EYS: variants seen among roughly 807,000 people sequenced by gnomAD.
The protein encoded by EYS is EGF-like photoreceptor maintenance factor, also known as protein eyes shut homolog.
In EYS, 250 loss-of-function variants were observed where a neutral mutation model predicts 282.1. The ratio of observed to expected loss-of-function variants is 0.89; its 90% CI spans 0.80 to 0.98. EYS has a LOEUF of 0.98. EYS is among the 50% of genes least tolerant of loss of function. The probability of loss-of-function intolerance (pLI) is 0.00; values close to 1 mark genes in which losing one functional copy is unlikely to be tolerated. For synonymous variants in EYS, 1,355 were observed against 1,282.9 expected (o/e 1.06, Z -1.20); for missense variants, 4,016 against 3,709.0 (o/e 1.08, Z -2.15).
chr6:65,425,796 A>G, intron 5 of EYS, among the ~76,000 whole-genome samples: 1 of 152,152 alleles, frequency 6.6e-6, no homozygotes, highest in East Asian at 1.9e-4. Context: ...CCTGGATTTA[A>G]CTGGTCATCT....
At chr6:64,566,429 TATC>T (rs1294146314) in intron 26 of EYS, among the ~76,000 whole-genome samples, 1 of 152,150 alleles carries the variant, frequency 6.6e-6, no homozygotes, top group African/African-American at 2.4e-5. Flanking sequence ...TCATTAAAAT[TATC>T]ATCAGTATCA....
intron 8 of EYS, among the ~76,000 whole-genome samples, chr6:65,364,171 G>A (rs1764820994): frequency 6.7e-6 from 1 of 149,170 alleles, no homozygotes; most frequent in South Asian, 2.1e-4. Flanking sequence ...ATTTGATTTT[G>A]TCTTTGTGAA....
chr6:64,803,370 G>GGT (rs887035640), intron 22 of EYS, among the ~76,000 whole-genome samples: 18 of 151,230 alleles, frequency 1.2e-4, no homozygotes, highest in Admixed American at 1.1e-3. Context: ...GGGGACTGAA[G>GGT]GTGTGTGTGT....
chr6:65,676,376 A>G (rs910698317), intron 1 of EYS, among the ~76,000 whole-genome samples: 5 of 151,838 alleles, frequency 3.3e-5, no homozygotes, highest in African/African-American at 1.2e-4. Context: ...TTATAAATTG[A>G]GACATTACAA....
At chr6:64,740,170 C>T (rs1994985) in intron 22 of EYS, among the ~76,000 whole-genome samples, 121,159 of 152,004 alleles carry the variant, frequency 0.8, 49,013 homozygotes, top group Non-Finnish European at 0.87. Flanking sequence ...TCAGAACCCC[C>T]AGCACAATCT....
chr6:64,684,303 G>A (rs1472865718), intron 22 of EYS, among the ~76,000 whole-genome samples: 1 of 151,950 alleles, frequency 6.6e-6, no homozygotes, highest in African/African-American at 2.4e-5. Context: ...TCAGAAATAT[G>A]TTATCCATCA....
At position 65,161,172 on chromosome 6, in the gene EYS, A is replaced by G. The variant is rs1370170524; in HGVS notation, c.2024-103445T>C. Among the ~76,000 whole-genome samples, 3 of 151,168 alleles carry G rather than the reference A, an allele frequency of 2.0e-5. No individual in the cohort carries two copies. In the Middle Eastern group the frequency reaches 0.01, roughly 514 times the overall value. On this transcript the variant is annotated intron_variant, in intron 12 of 42. Coordinates refer to ENST00000503581, the MANE Select transcript of EYS (RefSeq NM_001142800.2). ...CTGCTTAACTTTCTGGTCACTTCCTATGATTCCCCCAGTATACTTGTTAAT... is the reference window on the plus strand; with the variant it reads ...CTGCTTAACTTTCTGGTCACTTCCTGTGATTCCCCCAGTATACTTGTTAAT...
At chr6:65,585,113 T>C (rs2088205247) in intron 2 of EYS, among the ~76,000 whole-genome samples, 1 of 151,886 alleles carries the variant, frequency 6.6e-6, no homozygotes, top group Non-Finnish European at 1.5e-5. Context: ...GAAAATACTT[T>C]CTAATTTATT....
intron 2 of EYS, among the ~76,000 whole-genome samples, chr6:65,507,343 A>AT (rs1464565758): frequency 6.6e-6 from 1 of 151,676 alleles, no homozygotes; most frequent in Non-Finnish European, 1.5e-5. Flanking sequence ...TGGCTTTAAG[A>AT]TTTTTCCTTT....
At chr6:64,063,327 CGATCTTCTCAATCTAACCT>C (rs1352216948) in intron 33 of EYS, among the ~76,000 whole-genome samples, 1 of 152,158 alleles carries the variant, frequency 6.6e-6, no homozygotes, top group African/African-American at 2.4e-5. Context: ...CTTAAACTCA[CGATCTTCTCAATCTAACCT>C]GCTCTTCTTG....
At chr6:64,120,073 C>CGTG (rs1328757187) in intron 31 of EYS, among the ~76,000 whole-genome samples, 11 of 151,654 alleles carry the variant, frequency 7.3e-5, no homozygotes, top group African/African-American at 2.4e-4. Flanking sequence ...TTTGGCCAGG[C>CGTG]GTGGTGGCTT....
In EYS at chr6:65,278,328, A is replaced by ATATATATAGATTCTATATATTC. The variant is rs747084151; in HGVS notation, c.2023+17534_2023+17535insGAATATATAGAATCTATATATA. 2.6e-3 allele frequency among the ~76,000 whole-genome samples: 350 copies of ATATATATAGATTCTATATATTC among 133,088 alleles called. 2 individuals are homozygous for ATATATATAGATTCTATATATTC. Among genetic ancestry groups the ATATATATAGATTCTATATATTC allele is most frequent in the South Asian group, 5.2e-3 (22 of 4,202 alleles). The allele number at this position is 133,088 out of a possible 152,430, so 87.3% of individuals were successfully genotyped here. A position where few individuals can be genotyped will look rare whatever the true frequency, so the allele number is the denominator to read the frequency against. Reference sequence around the variant, plus strand: ...TTATATATATTCTATAGAAATCTATATATATATAGAATCTATATATTCTAT... The same window carrying ATATATATAGATTCTATATATTC: ...TTATATATATTCTATAGAAATCTATATATATATAGATTCTATATATTCTATATATAGAATCTATATATTCTAT... On this transcript the variant is annotated intron_variant, in intron 12 of 42. Coordinates refer to ENST00000503581, the MANE Select transcript of EYS (RefSeq NM_001142800.2).
chr6:63,966,835 T>C (rs1393293511), intron 35 of EYS, among the ~76,000 whole-genome samples: 1 of 152,182 alleles, frequency 6.6e-6, no homozygotes, highest in Non-Finnish European at 1.5e-5. Context: ...TATTATTACC[T>C]TCCCCCTGCA....
At chr6:64,294,162 T>G (rs1339162802) in intron 30 of EYS, among the ~76,000 whole-genome samples, 3 of 152,126 alleles carry the variant, frequency 2.0e-5, no homozygotes, top group Non-Finnish European at 4.4e-5. Context: ...GGTAAAATGA[T>G]TCAAGCAAAC....
chr6:64,831,481 A>G (rs1765214949), intron 19 of EYS, among the ~76,000 whole-genome samples: 1 of 151,962 alleles, frequency 6.6e-6, no homozygotes, highest in African/African-American at 2.4e-5. Context: ...CTGTCTATAA[A>G]TATCCCAGGT....
chr6:63,811,666 A>C (rs142848647), intron 36 of EYS, among the ~76,000 whole-genome samples: 277 of 152,316 alleles, frequency 1.8e-3, no homozygotes, highest in African/African-American at 6.2e-3. Context: ...GATAATGAAC[A>C]TATATTTGTA....
intron 22 of EYS, among the ~76,000 whole-genome samples, chr6:64,670,781 G>A (rs531040004): frequency 3.9e-5 from 6 of 152,186 alleles, no homozygotes; most frequent in African/African-American, 1.4e-4. Flanking sequence ...TTTGTTCCCA[G>A]GCTCTACATT....
chr6:64,358,658 C>A (rs1001123282), intron 29 of EYS, among the ~76,000 whole-genome samples: 1 of 151,526 alleles, frequency 6.6e-6, no homozygotes, highest in Admixed American at 6.6e-5. Context: ...CCAAGTCACA[C>A]GGTTTATGGC....
chr6:64,850,004 A>C (rs554585241), intron 19 of EYS, among the ~76,000 whole-genome samples: 154 of 152,170 alleles, frequency 1.0e-3, no homozygotes, highest in African/African-American at 3.6e-3. Context: ...GATTACAGGA[A>C]GGCAGTATTT....
Sources: gnomAD v4.1 joint callset for allele counts (sites outside exome capture counted in the v4.1 genomes callset) on GRCh38, gnomAD v4.1.1 for gene constraint, MANE v1.5 for transcripts, NCBI Gene and HGNC (gene_info 2026-07-23, HGNC 2026-07-21) for gene names.